The following LMO1 variants were observed in gnomAD, a reference collection of about 807,000 sequenced individuals.
The protein encoded by LMO1 is LIM domain only 1.
LMO1 carries 10 observed loss-of-function variants against 18.0 expected under a neutral mutation model. The ratio of observed to expected loss-of-function variants is 0.55; its 90% confidence interval spans 0.34 to 0.94. The LOEUF (loss-of-function observed/expected upper bound fraction) is 0.94, where lower values mean the gene tolerates loss of function less well. LMO1 is among the 40% of genes least tolerant of loss of function. The pLI, the probability that LMO1 is intolerant of heterozygous loss-of-function variation, is 0.02. For synonymous variants in LMO1, 77 were observed against 77.9 expected (o/e 0.99, Z 0.06); for missense variants, 183 against 205.7 (o/e 0.89, Z 0.68).
At chr11:8,255,818 CTTTTTTT>C (rs57425549) in intron 1 of LMO1, among the ~76,000 whole-genome samples, 5 of 86,362 alleles carry the variant, frequency 5.8e-5, no homozygotes, top group South Asian at 4.4e-4. Flanking sequence ...CAATGCCGCA[CTTTTTTT>C]TTTTTTTTTT....
At chr11:8,258,175 G>C (rs1231353379) in intron 1 of LMO1, among the ~76,000 whole-genome samples, 4 of 152,190 alleles carry the variant, frequency 2.6e-5, no homozygotes, top group Admixed American at 2.6e-4. Context: ...TGGCACACTG[G>C]GACACCTCTA....
intron 1 of LMO1, among the ~76,000 whole-genome samples, chr11:8,247,471 GA>G (rs1846914480): frequency 6.6e-6 from 1 of 152,238 alleles, no homozygotes; most frequent in Non-Finnish European, 1.5e-5. Context: ...CCAAAAAGAT[GA>G]AGCATCCTGG....
intron 1 of LMO1, among the ~76,000 whole-genome samples, chr11:8,260,584 A>T (rs987144452): frequency 1.8e-4 from 27 of 151,500 alleles, no homozygotes; most frequent in Non-Finnish European, 2.9e-4. Flanking sequence ...GCAAAAAAAA[A>T]TTTTTTTTTT....
chr11:8,228,425 C>A lies in LMO1; in HGVS notation c.240-1325G>T, dbSNP rs79644771. 4.4e-3 allele frequency among the ~76,000 whole-genome samples: 666 copies of A among 152,384 alleles called. 1 individual carries two copies. Among genetic ancestry groups the A allele is most frequent in the Admixed American group, 0.012 (181 of 15,312 alleles). Reference sequence around the variant, plus strand: ...TGCAGATGAGCTTGGCTCCATTATTCATCAGCTTGAGCTGCCTGGTGGCTC... The same window carrying A: ...TGCAGATGAGCTTGGCTCCATTATTAATCAGCTTGAGCTGCCTGGTGGCTC... On this transcript the variant is annotated intron_variant, in intron 2 of 3. Coordinates refer to ENST00000335790, the MANE Select transcript of LMO1 (RefSeq NM_002315.3).
intron 1 of LMO1, among the ~76,000 whole-genome samples, chr11:8,254,258 G>A (rs1847052678): frequency 6.6e-6 from 1 of 152,132 alleles, no homozygotes; most frequent in Non-Finnish European, 1.5e-5. Context: ...AATTACCATG[G>A]TAACTCAAGT....
At chr11:8,265,201 C>T (rs1590571028), upstream of LMO1, among the ~76,000 whole-genome samples, 2 of 152,208 alleles carry the variant, frequency 1.3e-5, no homozygotes, top group African/African-American at 4.8e-5. Flanking sequence ...GCCTCAGTTT[C>T]CTTGGCTGTG....
In LMO1 at chr11:8,242,029, G is replaced by T. The variant is rs146614893; in HGVS notation, c.26-11525C>A. ...GAGTGGGCCAATTCAGATAGGCAGG[G>T]CCCCTAGAGATGGAGCCTTAATCAG... On this transcript the variant is annotated intron_variant, in intron 1 of 3. Transcript: ENST00000335790. Among the ~76,000 whole-genome samples the T allele has an allele frequency of 1.9e-3, 290 of 151,966 alleles. 1 individual carries two copies. Among genetic ancestry groups the T allele is most frequent in the African/African-American group, 6.8e-3 (280 of 41,298 alleles).
At chr11:8,251,863 ATG>A (rs1847002058) in intron 1 of LMO1, among the ~76,000 whole-genome samples, 3 of 31,136 alleles carry the variant, frequency 9.6e-5, no homozygotes, top group South Asian at 1.6e-3. Context: ...GTGTGTGTGA[ATG>A]TGTGTGAGTG....
chr11:8,267,261 G>A (rs1415100507), upstream of LMO1, among the ~76,000 whole-genome samples: 1 of 152,222 alleles, frequency 6.6e-6, no homozygotes, highest in Non-Finnish European at 1.5e-5. Context: ...TTTGCCTTGT[G>A]ACTCAAGGGT....
chr11:8,225,789 C>T (rs1952528410), intron 3 of LMO1, among the ~76,000 whole-genome samples: 1 of 152,216 alleles, frequency 6.6e-6, no homozygotes, highest in Non-Finnish European at 1.5e-5. Flanking sequence ...GCCCTCCTAA[C>T]AGCAGGTCCG....
upstream of LMO1, among the ~76,000 whole-genome samples, chr11:8,267,724 T>G (rs1847275629): frequency 1.3e-5 from 2 of 152,194 alleles, no homozygotes; most frequent in South Asian, 4.1e-4. Context: ...GACCCTAAAC[T>G]TCATTAGCTT....
intron 3 of LMO1, among the ~76,000 whole-genome samples, chr11:8,225,840 T>C (rs890952302): frequency 6.6e-6 from 1 of 152,192 alleles, no homozygotes; most frequent in African/African-American, 2.4e-5. Context: ...TGTAGGTCCC[T>C]CTGAACCTCA....
intron 3 of LMO1, among the ~76,000 whole-genome samples, chr11:8,225,023 T>G (rs963173983): frequency 1.3e-5 from 2 of 150,790 alleles, no homozygotes; most frequent in Non-Finnish European, 3.0e-5. Flanking sequence ...GTTAGGGGGG[T>G]TGGTGGAGAG....
In LMO1 at chr11:8,224,456, T is replaced by G. The variant is rs1590512647; in HGVS notation, c.*160A>C. On this transcript the variant is annotated 3_prime_UTR_variant, in exon 4 of 4. Transcript: ENST00000335790. ...GGGGTCACACACAGACGGGCGGTGG[T>G]GGAGGAGGAAGGGCCATCCCTCCCA... The G allele has an allele frequency of 1.7e-6, 1 of 590,378 alleles. No homozygotes were observed. The highest frequency in any genetic ancestry group is 2.0e-5 in the South Asian group (1 of 49,076). 36.6% of individuals were successfully genotyped at this position (590,378 alleles called of 1,614,324 possible).
intron 3 of LMO1, among the ~76,000 whole-genome samples, chr11:8,225,932 C>T (rs993035055): frequency 3.3e-5 from 5 of 152,214 alleles, no homozygotes; most frequent in Admixed American, 1.3e-4. Context: ...TAGGCCCCAG[C>T]CAGGGCTGAA....
intron 1 of LMO1, among the ~76,000 whole-genome samples, chr11:8,246,022 C>G (rs1361189553): frequency 1.3e-5 from 2 of 152,128 alleles, no homozygotes; most frequent in Non-Finnish European, 2.9e-5. Context: ...TGAACAAGAA[C>G]TCACTCATCA....
In LMO1 at chr11:8,230,358, G is replaced by A; in HGVS notation, c.172C>T (p.Leu58=). 1.2e-6 allele frequency: 2 copies of A among 1,614,142 alleles called. No homozygotes were observed. Among genetic ancestry groups the A allele is most frequent in the Middle Eastern group, 1.6e-4 (1 of 6,062 alleles). Residue 58 remains leucine (L), a synonymous_variant, in exon 2 of 4, where the codon CTG becomes TTG. Coordinates refer to ENST00000335790, the MANE Select transcript of LMO1 (RefSeq NM_002315.3). ...TAGAGGGTGGAGCCCACCTCGCCCA[G>A]GCGGCAGTCACAGCAGGCACACTTG... ...CLKCACCDCR[L]GEVGSTLYTK...
intron 1 of LMO1, among the ~76,000 whole-genome samples, chr11:8,242,100 T>G (rs374498661): frequency 3.6e-4 from 55 of 152,288 alleles, no homozygotes; most frequent in African/African-American, 1.3e-3. Context: ...CCTGTAGCTA[T>G]GTGGCCCTAA....
In LMO1 at chr11:8,233,732, C is replaced by G. The variant is rs72852514; in HGVS notation, c.26-3228G>C. 5.2e-3 allele frequency among the ~76,000 whole-genome samples: 791 copies of G among 151,488 alleles called. 2 individuals are homozygous for G. Among genetic ancestry groups the G allele is most frequent in the Admixed American group, 0.014 (218 of 15,234 alleles). ...CCCACCCAATCTGCCAGCCTGCCCCCCTGCAGACACCTCTTCCCTCCCTCC... is the reference window on the plus strand; with the variant it reads ...CCCACCCAATCTGCCAGCCTGCCCCGCTGCAGACACCTCTTCCCTCCCTCC... On this transcript the variant is annotated intron_variant, in intron 1 of 3. Transcript: ENST00000335790.
Sources: allele counts gnomAD v4.1 joint callset (sites outside exome capture counted in the v4.1 genomes callset), GRCh38; gene constraint gnomAD v4.1.1; transcripts MANE v1.5; gene names NCBI Gene and HGNC (gene_info 2026-07-23, HGNC 2026-07-21).